The following ZDHHC17 variants were observed in gnomAD, a reference collection of about 807,000 sequenced individuals.
ZDHHC17 encodes the protein palmitoyltransferase ZDHHC17.
In ZDHHC17, 40 loss-of-function variants were observed where a neutral mutation model predicts 90.3. That is an observed-to-expected ratio of 0.44 (90% confidence interval 0.34 to 0.58). ZDHHC17 has a LOEUF of 0.58. ZDHHC17 is among the 20% of genes least tolerant of loss of function. The probability of loss-of-function intolerance (pLI) is 0.01; values close to 1 mark genes in which losing one functional copy is unlikely to be tolerated. For missense variants in ZDHHC17, 614 were observed against 780.8 expected (o/e 0.79, Z 2.55); for synonymous variants, 235 against 252.4 (o/e 0.93, Z 0.65).
At chr12:76,819,846 A>G (rs1177978064) in intron 7 of ZDHHC17, among the ~76,000 whole-genome samples, 2 of 152,002 alleles carry the variant, frequency 1.3e-5, no homozygotes, top group African/African-American at 4.8e-5. Flanking sequence ...ATACAAAATT[A>G]GCCGGGCGTG....
At chr12:76,778,061 A>G (rs1952579242) in intron 1 of ZDHHC17, among the ~76,000 whole-genome samples, 1 of 152,196 alleles carries the variant, frequency 6.6e-6, no homozygotes, top group Non-Finnish European at 1.5e-5. Flanking sequence ...GTTTAAAGCA[A>G]ACACTCCTGA....
intron 1 of ZDHHC17, among the ~76,000 whole-genome samples, chr12:76,779,619 C>CAGCCA (rs1051269142): frequency 1.3e-5 from 2 of 152,186 alleles, no homozygotes; most frequent in African/African-American, 4.8e-5. Context: ...GGTGGGGACA[C>CAGCCA]AGCCAAACCA....
chr12:76,806,025 A>G (rs1952949805), intron 3 of ZDHHC17, among the ~76,000 whole-genome samples: 1 of 152,220 alleles, frequency 6.6e-6, no homozygotes, highest in Non-Finnish European at 1.5e-5. Context: ...AAGAGTCAGG[A>G]TGATAGGAAA....
At chr12:76,834,743 T>TTTTTC (rs1953344048) in intron 10 of ZDHHC17, among the ~76,000 whole-genome samples, 1 of 152,200 alleles carries the variant, frequency 6.6e-6, no homozygotes. Context: ...AAGATGGATG[T>TTTTTC]GAGGGGAGGG....
chr12:76,764,314 C>T lies in ZDHHC17; in HGVS notation c.78C>T (p.Pro26=), dbSNP rs1207976865. 5 of 1,601,512 alleles carry T rather than the reference C, an allele frequency of 3.1e-6. No individual in the cohort carries two copies. The highest frequency in any genetic ancestry group is 1.7e-4 in the Middle Eastern group (1 of 6,050). ...DEYDTEAGCV[P]LLHPEEIKPQ... Reference sequence around the variant, plus strand: ...ACGATACCGAAGCGGGCTGTGTGCCCCTTCTCCACCCAGAGGTGAGGAACC... The same window carrying T: ...ACGATACCGAAGCGGGCTGTGTGCCTCTTCTCCACCCAGAGGTGAGGAACC... The change falls in exon 1 of 17, where the codon CCC becomes CCT. Residue 26 remains proline (P), a synonymous_variant. Coordinates refer to ENST00000426126, the MANE Select transcript of ZDHHC17 (RefSeq NM_015336.4).
At chr12:76,766,359 G>T (rs971959037) in intron 1 of ZDHHC17, among the ~76,000 whole-genome samples, 1 of 152,198 alleles carries the variant, frequency 6.6e-6, no homozygotes, top group African/African-American at 2.4e-5. Context: ...AGTGTGTGCA[G>T]CTGGTGCAGA....
intron 1 of ZDHHC17, among the ~76,000 whole-genome samples, chr12:76,794,093 G>A (rs1952792225): frequency 6.6e-6 from 1 of 152,018 alleles, no homozygotes; most frequent in South Asian, 2.1e-4. Context: ...CACTGTGTTA[G>A]CCAGGATGGT....
chr12:76,810,315 T>G (rs903046356), intron 5 of ZDHHC17, among the ~76,000 whole-genome samples: 1 of 152,130 alleles, frequency 6.6e-6, no homozygotes, highest in South Asian at 2.1e-4. Context: ...TTTAAGTGGT[T>G]GTTCCTGATT....
chr12:76,802,099 C>T (rs897859914), intron 2 of ZDHHC17, among the ~76,000 whole-genome samples: 1 of 152,132 alleles, frequency 6.6e-6, no homozygotes, highest in African/African-American at 2.4e-5. Context: ...TTAATTTCAC[C>T]TGGCAGGTCT....
chr12:76,773,835 C>T (rs1952523922), intron 1 of ZDHHC17, among the ~76,000 whole-genome samples: 1 of 152,172 alleles, frequency 6.6e-6, no homozygotes, highest in African/African-American at 2.4e-5. Flanking sequence ...TGCTCTAAGG[C>T]CACTTCTTTT....
intron 10 of ZDHHC17, among the ~76,000 whole-genome samples, chr12:76,832,949 G>A (rs1953322453): frequency 6.6e-6 from 1 of 152,146 alleles, no homozygotes; most frequent in Non-Finnish European, 1.5e-5. Flanking sequence ...CTTTTTCAGT[G>A]CCATGAATAT....
chr12:76,781,547 T>C (rs1240508470), intron 1 of ZDHHC17: 1 of 449,908 alleles, frequency 2.2e-6, no homozygotes, highest in Non-Finnish European at 4.5e-6. Flanking sequence ...AGTGGGTGGT[T>C]CTAAAAGTAA....
intron 10 of ZDHHC17, among the ~76,000 whole-genome samples, chr12:76,832,778 A>T (rs1953319364): frequency 6.6e-6 from 1 of 152,212 alleles, no homozygotes; most frequent in African/African-American, 2.4e-5. Flanking sequence ...ACACAAAAGC[A>T]CAACAGCGTG....
rs773312157 is a variant in ZDHHC17, at chr12:76,828,393, C to G, written c.1044C>G (p.Ser348=). 1 of 1,590,768 alleles carries G rather than the reference C, an allele frequency of 6.3e-7. No homozygotes were observed. The highest frequency in any genetic ancestry group is 2.3e-5 in the East Asian group (1 of 43,926). ...TTATAAAACTTGTGTTTTACAGATC[C>G]TTTTTCGATCATTCAATGCATAGTG... ...VWATVQFLSK[S]FFDHSMHSAL... is the part of the protein sequence containing the mutation. Residue 348 remains serine, a synonymous_variant, in exon 10 of 17, where the codon TCC becomes TCG. Transcript: ENST00000426126.
rs1249026004 is a variant in ZDHHC17 at position 76,852,200 on chromosome 12, A to G, written c.*1215A>G. ...TGGTGGACTACTAGTCACTGCTTCC[A>G]TAAATATTGTTTACAGGGTGAGATT... On this transcript the variant is annotated 3_prime_UTR_variant, in exon 17 of 17. Transcript: ENST00000426126. 6.6e-6 allele frequency: 1 copy of G among 152,630 alleles called. No homozygotes were observed. Among genetic ancestry groups the G allele is most frequent in the Non-Finnish European group, 1.5e-5 (1 of 68,030 alleles). 9.5% of individuals were successfully genotyped at this position (152,630 alleles called of 1,614,324 possible). A position where few individuals can be genotyped will look rare whatever the true frequency, so the allele number is the denominator to read the frequency against.
rs1354067765 is a variant in ZDHHC17 at position 76,846,688 on chromosome 12, A to G, written c.1507+9A>G. On this transcript the variant is annotated intron_variant, in intron 14 of 16. Transcript: ENST00000426126. Reference sequence around the variant, plus strand: ...TTATGGTTGTATATCTTGTGAGTACAATTAGTTTTCGGTCTTTTTAAAACA... The same window carrying G: ...TTATGGTTGTATATCTTGTGAGTACGATTAGTTTTCGGTCTTTTTAAAACA... 25 of 1,597,666 alleles carry G rather than the reference A, an allele frequency of 1.6e-5. No individual in the cohort carries two copies. The highest frequency in any genetic ancestry group is 2.1e-5 in the Non-Finnish European group (24 of 1,169,924).
chr12:76,811,898 A>C (rs1208766908), intron 5 of ZDHHC17, among the ~76,000 whole-genome samples: 1 of 152,096 alleles, frequency 6.6e-6, no homozygotes, highest in Non-Finnish European at 1.5e-5. Flanking sequence ...TACCCCTGAC[A>C]CCTTTGCTTT....
intron 1 of ZDHHC17, chr12:76,764,911 A>G (rs371182283): frequency 2.2e-6 from 1 of 454,946 alleles, no homozygotes; most frequent in Non-Finnish European, 4.4e-6. Context: ...ACTTTTGGGA[A>G]TAGACTTACA....
chr12:76,790,024 A>G (rs1172749505), intron 1 of ZDHHC17, among the ~76,000 whole-genome samples: 2 of 152,180 alleles, frequency 1.3e-5, no homozygotes, highest in East Asian at 1.9e-4. Context: ...TAGTGTATCA[A>G]TATTGGTTCT....
Sources: allele counts gnomAD v4.1 joint callset (sites outside exome capture counted in the v4.1 genomes callset), GRCh38; gene constraint gnomAD v4.1.1; transcripts MANE v1.5; gene names NCBI Gene and HGNC (gene_info 2026-07-23, HGNC 2026-07-21).